Variants in ELMOD3 observed in about 807,000 individuals in gnomAD.
ELMOD3 encodes ELMO domain-containing protein 3.
Under a neutral mutation model 47.4 loss-of-function variants are expected in ELMOD3, and 36 were observed. That is an observed-to-expected ratio of 0.76 (90% CI 0.58 to 1.00). The LOEUF (loss-of-function observed/expected upper bound fraction) is 1.00. Ranked by LOEUF, ELMOD3 falls within the 50% of genes least tolerant of loss-of-function variation. The pLI is 0.00. For synonymous variants in ELMOD3, 149 were observed against 183.5 expected, an observed-to-expected ratio of 0.81 and a Z score of 1.52; for missense variants, 404 against 463.8, an observed-to-expected ratio of 0.87 and a Z score of 1.18.
intron 4 of ELMOD3, among the ~76,000 whole-genome samples, chr2:85,361,348 T>C (rs1212538252): frequency 6.6e-6 from 1 of 152,168 alleles, no homozygotes; most frequent in Non-Finnish European, 1.5e-5. Flanking sequence ...TGAGATAACA[T>C]TAATTAAGCT....
At chr2:85,363,212 C>G in intron 6 of ELMOD3, 46 bp downstream of exon 6, 1 of 1,052,272 alleles carries the variant, frequency 9.5e-7, no homozygotes, top group South Asian at 1.3e-5. Context: ...GGACCCAAGT[C>G]AGACCTTCCC....
chr2:85,364,821 A>AT (rs1398237706), intron 6 of ELMOD3, among the ~76,000 whole-genome samples: 56 of 89,170 alleles, frequency 6.3e-4, no homozygotes, highest in South Asian at 1.2e-3. Context: ...ATATATATAT[A>AT]TATATTTTTT....
rs1323756181 is a variant in ELMOD3 at position 85,390,053 on chromosome 2, G to C, written c.816-85G>C. On this transcript the variant is annotated intron_variant, in intron 12 of 13. Transcript: ENST00000409013. ...TCCTGGGTTTGGGCTGGCTCCCCTG[G>C]GGAAATGGGGAAGGAAGGCGGGAGG... is the stretch of plus-strand genomic sequence containing the variant. The C allele has an allele frequency of 3.6e-6, 5 of 1,397,770 alleles. No individual in the cohort carries two copies. In the African/African-American group the frequency reaches 7.1e-5, roughly 20 times the overall value. The allele number at this position is 1,397,770 out of a possible 1,614,324, so 86.6% of individuals were successfully genotyped here.
chr2:85,357,966 A>G (rs1202927237), intron 4 of ELMOD3, among the ~76,000 whole-genome samples: 3 of 152,198 alleles, frequency 2.0e-5, no homozygotes, highest in African/African-American at 7.2e-5. Flanking sequence ...TACTGTGCCA[A>G]TGGTTGTGAA....
At chr2:85,377,611 G>A (rs1685251930) in intron 11 of ELMOD3, 137 bp downstream of exon 11, 2 of 865,362 alleles carry the variant, frequency 2.3e-6, no homozygotes, top group Admixed American at 3.4e-5. Flanking sequence ...TGAAATATGA[G>A]CTGTACCGCT....
At chr2:85,363,058 G>A in intron 5 of ELMOD3, 39 bp from the exon 6 acceptor site, 1 of 1,349,164 alleles carries the variant, frequency 7.4e-7, no homozygotes, top group Non-Finnish European at 1.1e-6. Flanking sequence ...GGGGGTATGT[G>A]GATTCTATCC....
At chr2:85,375,114 G>T (rs972107222) in intron 10 of ELMOD3, among the ~76,000 whole-genome samples, 16 of 152,100 alleles carry the variant, frequency 1.1e-4, no homozygotes, top group African/African-American at 3.9e-4. Flanking sequence ...TTTGTCTTTG[G>T]TTTTCAGGAA....
chr2:85,366,226 G>A (rs1229231173), intron 6 of ELMOD3, among the ~76,000 whole-genome samples: 2 of 150,676 alleles, frequency 1.3e-5, no homozygotes, highest in African/African-American at 2.4e-5. Context: ...CCACCTCAGC[G>A]TCCCATAGTG....
Position 85,390,200 on chromosome 2 carries a change from T to C in ELMOD3, c.878T>C (p.Leu293Pro). ...AACAGCTTCTATGCCGCCACATTCC[T>C]CCACCTCGCACATGTCTGGAGGACA... ...VVNSFYAATF[L>P]HLAHVWRTQR... is the part of the protein sequence containing the mutation. Residue 293 changes from leucine (L) to proline (P), a missense_variant, in exon 13 of 14, where the codon CTC becomes CCC. By Grantham distance (98) the Leu-to-Pro change is moderately conservative (BLOSUM62 -3). Transcript: ENST00000409013. 1 of 1,614,198 alleles carries C rather than the reference T, an allele frequency of 6.2e-7. No homozygotes were observed. The highest frequency in any genetic ancestry group is 8.5e-7 in the Non-Finnish European group (1 of 1,180,036).
At chr2:85,370,103 G>A (rs776303922) in intron 8 of ELMOD3, among the ~76,000 whole-genome samples, 8 of 152,184 alleles carry the variant, frequency 5.3e-5, no homozygotes, top group Admixed American at 2.6e-4. Context: ...CTAGAGTCAA[G>A]TACTAGGTAG....
rs780266533 is a variant in ELMOD3 at position 85,389,756 on chromosome 2, C to A, written c.744C>A (p.Phe248Leu). Reference sequence around the variant, plus strand: ...TGGGTGCCCCTCCATTCCAGCAATTCCCTTTCTGTTTGATGTCCGTGAACA... The same window carrying A: ...TGGGTGCCCCTCCATTCCAGCAATTACCTTTCTGTTTGATGTCCGTGAACA... The part of the protein sequence containing the change: ...FRLSRHHIQQ[F>L]PFCLMSVNIT... The change falls in exon 12 of 14, where the codon TTC becomes TTA. Residue 248 changes from phenylalanine (F) to leucine (L), a missense_variant. Coordinates refer to ENST00000409013, the MANE Select transcript of ELMOD3 (RefSeq NM_001135022.2). 1 of 1,614,112 alleles carries A rather than the reference C, an allele frequency of 6.2e-7. No individual in the cohort carries two copies. Among genetic ancestry groups the A allele is most frequent in the Non-Finnish European group, 8.5e-7 (1 of 1,179,990 alleles).
intron 6 of ELMOD3, among the ~76,000 whole-genome samples, chr2:85,366,251 G>A (rs925355628): frequency 2.0e-5 from 3 of 151,804 alleles, no homozygotes; most frequent in Non-Finnish European, 4.4e-5. Flanking sequence ...GATTATAGGC[G>A]TGAGCCACCG....
At chr2:85,378,730 G>A (rs1484992342) in intron 11 of ELMOD3, among the ~76,000 whole-genome samples, 1 of 152,138 alleles carries the variant, frequency 6.6e-6, no homozygotes, top group Non-Finnish European at 1.5e-5. Flanking sequence ...GATTTTGGGG[G>A]CCCAAGATAT....
At chr2:85,365,091 G>A (rs1489161770) in intron 6 of ELMOD3, among the ~76,000 whole-genome samples, 3 of 148,552 alleles carry the variant, frequency 2.0e-5, no homozygotes, top group African/African-American at 7.4e-5. Flanking sequence ...TTACAGGCAT[G>A]GTGGCATGTG....
intron 6 of ELMOD3, among the ~76,000 whole-genome samples, chr2:85,365,976 G>T (rs1684353873): frequency 1.4e-5 from 2 of 147,884 alleles, no homozygotes; most frequent in South Asian, 4.7e-4. Flanking sequence ...CTTTTTTTTT[G>T]AAACAGAGTC....
chr2:85,356,509 C>T (rs1683575259), intron 3 of ELMOD3: 1 of 152,276 alleles, frequency 6.6e-6, no homozygotes, highest in Admixed American at 6.5e-5. Flanking sequence ...CCCTTTTGGC[C>T]ATCCTGTGGC....
At chr2:85,363,206 C>T (rs751647172) in intron 6 of ELMOD3, 40 bp downstream of exon 6, 1 of 1,114,446 alleles carries the variant, frequency 9.0e-7, no homozygotes, top group Non-Finnish European at 1.4e-6. Flanking sequence ...TGGGTGGGAC[C>T]CAAGTCAGAC....
At chr2:85,377,299 C>T in intron 10 of ELMOD3, 45 bp from the exon 11 acceptor site, 2 of 1,527,516 alleles carry the variant, frequency 1.3e-6, no homozygotes. Context: ...GCCCTTGAAG[C>T]ATTGCTCGCT....
rs540015051 is a variant in ELMOD3 at position 85,360,405 on chromosome 2, G to A, written c.55-1781G>A. Among the ~76,000 whole-genome samples, 165 of 150,560 alleles carry A rather than the reference G, an allele frequency of 1.1e-3. 1 individual carries two copies. The highest frequency in any genetic ancestry group is 3.9e-3 in the African/African-American group (158 of 40,958). Reference sequence around the variant, plus strand: ...GTCTCACTCTGTTGCCCAGGCTGGAGTGCGGTGGCGTAATCTCAGCTCGCT... The same window carrying A: ...GTCTCACTCTGTTGCCCAGGCTGGAATGCGGTGGCGTAATCTCAGCTCGCT... On this transcript the variant is annotated intron_variant, in intron 4 of 13. Transcript: ENST00000409013.
Sources: gnomAD v4.1 joint callset for allele counts (sites outside exome capture counted in the v4.1 genomes callset) on GRCh38, gnomAD v4.1.1 for gene constraint, MANE v1.5 for transcripts, NCBI Gene and HGNC (gene_info 2026-07-23, HGNC 2026-07-21) for gene names.